The following CCZ1 variants were observed in gnomAD, a reference collection of about 807,000 sequenced individuals.
The protein encoded by CCZ1 is vacuolar fusion protein CCZ1 homolog.
Under a neutral mutation model 57.8 loss-of-function variants are expected in CCZ1, and 19 were observed. The ratio of observed to expected loss-of-function variants is 0.33; its 90% CI spans 0.23 to 0.48. The LOEUF (loss-of-function observed/expected upper bound fraction) is 0.48. Among genes scored for constraint, CCZ1 ranks in the 20% least tolerant of loss-of-function variants. The probability of loss-of-function intolerance (pLI) is 0.99; values close to 1 mark genes in which losing one functional copy is unlikely to be tolerated. For missense variants in CCZ1, 200 were observed against 492.0 expected, an observed-to-expected ratio of 0.41 and a Z score of 5.61; for synonymous variants, 81 against 167.0, an observed-to-expected ratio of 0.49 and a Z score of 3.97.
At chr7:5,901,525 A>G (rs1781685461) in intron 4 of CCZ1, 132 bp from the exon 5 acceptor site, 2 of 1,355,002 alleles carry the variant, frequency 1.5e-6, no homozygotes, top group Non-Finnish European at 9.6e-7. Flanking sequence ...TTTTTTCAGC[A>G]CGCAACTATT....
chr7:5,898,832 G>A lies in CCZ1; in HGVS notation c.33G>A (p.Gly11=). 2.4e-6 allele frequency: 1 copy of A among 415,722 alleles called. No homozygotes were observed. The highest frequency in any genetic ancestry group is 4.1e-6 in the Non-Finnish European group (1 of 244,302). The allele number at this position is 415,722 out of a possible 1,614,324, so 25.8% of individuals were successfully genotyped here. The change falls in exon 1 of 15, where the codon GGG becomes GGA. Residue 11 remains glycine, a synonymous_variant. Transcript: ENST00000325974. The stretch of plus-strand genomic sequence containing the variant: ...CAGCGGCGGCCGGGGCCGGGAGCGG[G>A]CCCTGGGCGGCCCAGGAGAAGCAGT... MAAAAAGAGS[G]PWAAQEKQFP... is the part of the protein sequence containing the mutation.
intron 7 of CCZ1, among the ~76,000 whole-genome samples, chr7:5,908,122 A>G (rs373184542): frequency 1.1e-4 from 15 of 142,572 alleles, no homozygotes; most frequent in East Asian, 2.4e-4. Flanking sequence ...AAAGAAAAAC[A>G]GCACGTTTTG....
chr7:5,910,706 T>TTTTATTTTTTTTATTTA (rs750179208), intron 8 of CCZ1, among the ~76,000 whole-genome samples: 6 of 123,688 alleles, frequency 4.9e-5, no homozygotes, highest in Non-Finnish European at 1.0e-4. Context: ...ATGTATTTTA[T>TTTTATTTTTTTTATTTA]TTTATTTATT....
chr7:5,911,055 C>G (rs112643026), intron 8 of CCZ1, among the ~76,000 whole-genome samples: 1 of 148,578 alleles, frequency 6.7e-6, no homozygotes, highest in Non-Finnish European at 1.5e-5. Context: ...GATTTTAGAT[C>G]GGGTTCTAGG....
At chr7:5,904,997 T>C in intron 6 of CCZ1, 97 bp from the exon 7 acceptor site, 1 of 1,205,258 alleles carries the variant, frequency 8.3e-7, no homozygotes, top group Non-Finnish European at 1.2e-6. Context: ...AATTGTACCA[T>C]AAATGTGAGT....
chr7:5,906,048 T>C (rs1185045132), intron 7 of CCZ1, among the ~76,000 whole-genome samples: 3 of 146,604 alleles, frequency 2.0e-5, no homozygotes, highest in African/African-American at 7.6e-5. Context: ...TACTTTCTTT[T>C]AAAGAAACTA....
intron 8 of CCZ1, among the ~76,000 whole-genome samples, chr7:5,910,405 C>A (rs116447732): frequency 6.7e-6 from 1 of 149,374 alleles, no homozygotes; most frequent in Non-Finnish European, 1.5e-5. Context: ...CTCGAACTTT[C>A]GCCTGGGATG....
At chr7:5,901,562 C>G (rs1325821017) in intron 4 of CCZ1, 95 bp from the exon 5 acceptor site, 13 of 1,485,518 alleles carry the variant, frequency 8.8e-6, no homozygotes, top group Middle Eastern at 1.8e-4. Flanking sequence ...AAACATTATA[C>G]TGTTTGGCCA....
At chr7:5,904,247 C>T (rs1041412103) in intron 6 of CCZ1, among the ~76,000 whole-genome samples, 8 of 139,768 alleles carry the variant, frequency 5.7e-5, no homozygotes, top group African/African-American at 1.1e-4. Context: ...CTACCACGCC[C>T]GGCTAATGTT....
Position 5,912,855 on chromosome 7 carries a change from A to G in CCZ1, c.855A>G (p.Gly285=). The G allele has an allele frequency of 6.6e-7, 1 of 1,524,912 alleles. No homozygotes were observed. Among genetic ancestry groups the G allele is most frequent in the Non-Finnish European group, 9.1e-7 (1 of 1,102,688 alleles). 94.5% of individuals were successfully genotyped at this position (1,524,912 alleles called of 1,614,324 possible). ...NLQHYGRFLT[G]PLNLNDPDAK... ...TCTTGCTTTTAAGATTTCTTACCGG[A>G]CCCTTGAACCTCAATGATCCAGATG... Residue 285 remains glycine (G), a synonymous_variant, in exon 10 of 15, where the codon GGA becomes GGG. Coordinates refer to ENST00000325974, the MANE Select transcript of CCZ1 (RefSeq NM_015622.6).
At chr7:5,900,150 T>C (rs1781649420) in intron 1 of CCZ1, 134 bp from the exon 2 acceptor site, 3 of 1,208,980 alleles carry the variant, frequency 2.5e-6, no homozygotes, top group African/African-American at 1.6e-5. Flanking sequence ...AATTCCTGTT[T>C]TTCTAAAACC....
Position 5,909,197 on chromosome 7 carries a change from C to A in CCZ1, c.699-838C>A, listed in dbSNP as rs185423174. ...TCAGGATAAAGTTCCAGTGCCTGGA[C>A]TCAAGTTTAACCCTTTACCTTCCTT... On this transcript the variant is annotated intron_variant, in intron 7 of 14. Coordinates refer to ENST00000325974, the MANE Select transcript of CCZ1 (RefSeq NM_015622.6). Among the ~76,000 whole-genome samples, 4 of 147,928 alleles carry A rather than the reference C, an allele frequency of 2.7e-5. 1 individual carries two copies. The East Asian group carries it at 9.0e-4, about 33-fold the overall frequency.
chr7:5,908,194 G>C, intron 7 of CCZ1, among the ~76,000 whole-genome samples: 1 of 143,558 alleles, frequency 7.0e-6, no homozygotes, highest in Admixed American at 6.9e-5. Flanking sequence ...AGCCAGGCGT[G>C]GTGCACATAC....
At chr7:5,904,506 C>T (rs1781757841) in intron 6 of CCZ1, among the ~76,000 whole-genome samples, 1 of 142,024 alleles carries the variant, frequency 7.0e-6, no homozygotes, top group African/African-American at 2.7e-5. Context: ...GCCTAGGCAA[C>T]ATAGCAAGAC....
intron 10 of CCZ1, among the ~76,000 whole-genome samples, chr7:5,916,498 GTTTTT>G (rs764065119): frequency 1.8e-5 from 2 of 110,962 alleles, no homozygotes; most frequent in African/African-American, 6.7e-5. Context: ...TTTTTGTTTT[GTTTTT>G]TGTTTTTTTT....
intron 7 of CCZ1, among the ~76,000 whole-genome samples, chr7:5,907,379 G>A (rs1344467175): frequency 1.3e-5 from 2 of 149,396 alleles, no homozygotes; most frequent in African/African-American, 5.0e-5. Context: ...CAAGTCACAC[G>A]CAGCCACAGC....
At chr7:5,910,535 C>T (rs1314013499) in intron 8 of CCZ1, among the ~76,000 whole-genome samples, 5 of 146,048 alleles carry the variant, frequency 3.4e-5, no homozygotes, top group Non-Finnish European at 6.0e-5. Flanking sequence ...ACTATGTTGG[C>T]CAGGCTGGTC....
rs1244739351 is a variant in CCZ1, at chr7:5,899,332, G to GGT, written c.120+414_120+415insTG. Among the ~76,000 whole-genome samples, 1,256 of 128,882 alleles carry GGT rather than the reference G, an allele frequency of 9.7e-3. 10 individuals carry two copies. The highest frequency in any genetic ancestry group is 0.033 in the African/African-American group (1,200 of 36,410). The allele number at this position is 128,882 out of a possible 152,430, so 84.6% of individuals were successfully genotyped here. On this transcript the variant is annotated intron_variant, in intron 1 of 14. Transcript: ENST00000325974. ...GAGGAAATAAATTAATTTCGGGAGGGGGGTGTGTGTGTGTGTGTGTGTGTG... is the reference window on the plus strand; with the variant it reads ...GAGGAAATAAATTAATTTCGGGAGGGGTGGGTGTGTGTGTGTGTGTGTGTGTG...
chr7:5,907,025 A>G (rs1398486975), intron 7 of CCZ1, among the ~76,000 whole-genome samples: 4 of 148,210 alleles, frequency 2.7e-5, no homozygotes, highest in Non-Finnish European at 5.9e-5. Context: ...ATACCACAAC[A>G]CCCAGCTAAT....
Sources: gnomAD v4.1 joint callset for allele counts (sites outside exome capture counted in the v4.1 genomes callset) on GRCh38, gnomAD v4.1.1 for gene constraint, MANE v1.5 for transcripts, NCBI Gene and HGNC (gene_info 2026-07-23, HGNC 2026-07-21) for gene names.